CRISP3: variants seen among roughly 807,000 people sequenced by gnomAD.
The protein encoded by CRISP3 is cysteine rich secretory protein 3, also known as cysteine-rich secretory protein 3.
In CRISP3, 33 loss-of-function variants were observed where a neutral mutation model predicts 36.1. The ratio of observed to expected loss-of-function variants is 0.91; its 90% confidence interval spans 0.69 to 1.22. The LOEUF (loss-of-function observed/expected upper bound fraction) is 1.22. Ranked by LOEUF, CRISP3 falls within the 50% of genes most tolerant of loss-of-function variation. The pLI is 0.00. For synonymous variants in CRISP3, 117 were observed against 104.6 expected (o/e 1.12, Z -0.72); for missense variants, 330 against 301.2 (o/e 1.10, Z -0.71).
Position 49,733,708 on chromosome 6 carries a change from T to C in CRISP3, c.457A>G (p.Thr153Ala). 6.2e-7 allele frequency: 1 copy of C among 1,612,910 alleles called. No individual in the cohort carries two copies. The highest frequency in any genetic ancestry group is 1.1e-5 in the South Asian group (1 of 90,976). The change falls in exon 5 of 8, where the codon ACA becomes GCA. Residue 153 changes from threonine (T) to alanine (A), a missense_variant. By Grantham distance (58) the Thr-to-Ala change is moderately conservative (BLOSUM62 0). Transcript: ENST00000263045. ...TTTTCATTTCTTCTCCTTACCTGTG[T>C]ATAATGTCCAACCACTGCGTTGGGA... ...KTPNAVVGHYTQVVWYSSYLV... is the reference protein window; with the variant it reads ...KTPNAVVGHYAQVVWYSSYLV...
intron 6 of CRISP3, among the ~76,000 whole-genome samples, chr6:49,732,810 T>A (rs1768947223): frequency 6.6e-6 from 1 of 152,190 alleles, no homozygotes; most frequent in African/African-American, 2.4e-5. Flanking sequence ...TCCTTATTTG[T>A]TTGTTACCTT....
At chr6:49,729,941 T>G (rs960011325) in intron 7 of CRISP3, among the ~76,000 whole-genome samples, 1 of 152,172 alleles carries the variant, frequency 6.6e-6, no homozygotes, top group Non-Finnish European at 1.5e-5. Flanking sequence ...TGGCTGATTA[T>G]TACTAATAAG....
chr6:49,732,499 T>TC (rs1163854956), intron 6 of CRISP3, among the ~76,000 whole-genome samples: 3 of 152,294 alleles, frequency 2.0e-5, no homozygotes, highest in Non-Finnish European at 4.4e-5. Flanking sequence ...CAGATTTTTT[T>TC]TCGTGAGTAG....
At chr6:49,735,670 G>A (rs112258936) in intron 3 of CRISP3, 79 bp from the exon 4 acceptor site, 2 of 1,027,480 alleles carry the variant, frequency 1.9e-6, no homozygotes, top group East Asian at 4.9e-5. Flanking sequence ...TCAGGTTATA[G>A]GTTGATTTAC....
intron 1 of CRISP3, among the ~76,000 whole-genome samples, chr6:49,743,298 C>G (rs770267809): frequency 1.4e-4 from 21 of 152,184 alleles, no homozygotes; most frequent in Non-Finnish European, 1.6e-4. Context: ...CCTCCCAATT[C>G]ATCCCTGCCT....
chr6:49,730,382 A>C (rs1299067265), intron 7 of CRISP3, among the ~76,000 whole-genome samples: 1 of 152,036 alleles, frequency 6.6e-6, no homozygotes, highest in Non-Finnish European at 1.5e-5. Context: ...TATTATACTA[A>C]ACTTGATGAT....
chr6:49,742,660 A>G (rs1269329834), intron 1 of CRISP3, among the ~76,000 whole-genome samples: 1 of 151,436 alleles, frequency 6.6e-6, no homozygotes, highest in African/African-American at 2.4e-5. Flanking sequence ...AAGGAAGAAG[A>G]AAAGAAAAAG....
chr6:49,736,830 T>C (rs550794297), intron 2 of CRISP3, among the ~76,000 whole-genome samples: 2 of 152,030 alleles, frequency 1.3e-5, no homozygotes, highest in Non-Finnish European at 2.9e-5. Flanking sequence ...GGGTACATGA[T>C]AGTAATTATT....
intron 1 of CRISP3, among the ~76,000 whole-genome samples, chr6:49,737,715 G>A (rs1367134643): frequency 6.6e-6 from 1 of 152,178 alleles, no homozygotes; most frequent in Non-Finnish European, 1.5e-5. Flanking sequence ...ACTGTCTTTA[G>A]GTTGTAGGAG....
chr6:49,743,766 A>G (rs937321408), intron 1 of CRISP3, among the ~76,000 whole-genome samples: 2 of 151,130 alleles, frequency 1.3e-5, no homozygotes, highest in African/African-American at 4.8e-5. Context: ...TTTTGACTGA[A>G]AAACTTCTAA....
In CRISP3 at chr6:49,727,771, TTGAG is replaced by T. The variant is rs1407999434; in HGVS notation, c.*955_*958del. On this transcript the variant is annotated 3_prime_UTR_variant, in exon 8 of 8. Transcript: ENST00000263045. ...GATATTTTGTAGAATGTCCTTCAACTTGAGTTTGCTGGATGTTTTAGCTCATAAT... is the reference window on the plus strand; with the variant it reads ...GATATTTTGTAGAATGTCCTTCAACTTTTGCTGGATGTTTTAGCTCATAAT... 2.0e-5 allele frequency: 3 copies of T among 152,192 alleles called. No homozygotes were observed. The highest frequency in any genetic ancestry group is 4.4e-5 in the Non-Finnish European group (3 of 68,008). The allele number at this position is 152,192 out of a possible 1,614,324, so 9.4% of individuals were successfully genotyped here. A position where few individuals can be genotyped will look rare whatever the true frequency, so the allele number is the denominator to read the frequency against.
intron 6 of CRISP3, among the ~76,000 whole-genome samples, chr6:49,731,713 A>T (rs1768921568): frequency 6.6e-6 from 1 of 152,104 alleles, no homozygotes; most frequent in South Asian, 2.1e-4. Context: ...AAAAAACCAT[A>T]ATTTCTACAA....
chr6:49,730,542 A>T (rs1404730063), intron 7 of CRISP3, among the ~76,000 whole-genome samples: 1 of 152,154 alleles, frequency 6.6e-6, no homozygotes, highest in Non-Finnish European at 1.5e-5. Flanking sequence ...TTTTTAAAAT[A>T]ATGCTGTATT....
intron 6 of CRISP3, among the ~76,000 whole-genome samples, chr6:49,732,793 G>C (rs1166455143): frequency 6.6e-6 from 1 of 152,140 alleles, no homozygotes; most frequent in African/African-American, 2.4e-5. Context: ...TTGCTAAAAT[G>C]GGTCATTCCT....
chr6:49,739,682 C>T lies in CRISP3; in HGVS notation c.38-2284G>A, dbSNP rs991130757. Among the ~76,000 whole-genome samples the T allele has an allele frequency of 2.6e-5, 4 of 152,128 alleles. No homozygotes were observed. In the South Asian group the frequency reaches 6.2e-4, roughly 24 times the overall value. ...CCCCACCTCTCCTCCCAAGGGACTA[C>T]TGTAAATAGCAGGTGCAAGTGGAAA... On this transcript the variant is annotated intron_variant, in intron 1 of 7. Transcript: ENST00000263045.
Position 49,733,801 on chromosome 6 carries a change from A to G in CRISP3, c.364T>C (p.Trp122Arg), listed in dbSNP as rs1037959888. 1 of 1,613,798 alleles carries G rather than the reference A, an allele frequency of 6.2e-7. No individual in the cohort carries two copies. Among genetic ancestry groups the G allele is most frequent in the African/African-American group, 1.3e-5 (1 of 74,914 alleles). The change falls in exon 5 of 8, where the codon TGG becomes CGG. Residue 122 changes from tryptophan to arginine, a missense_variant. Trp to Arg is a moderately radical substitution (Grantham distance 101). Coordinates refer to ENST00000263045, the MANE Select transcript of CRISP3 (RefSeq NM_006061.4). ...AACCAGCTTTGGATTGCTTGTGACC[A>G]TGAGCTGGAGGCACTTGACATGTAG... Reference protein sequence around the residue: ...NLYMSSASSSWSQAIQSWFDE... With the variant: ...NLYMSSASSSRSQAIQSWFDE...
chr6:49,729,006 G>GC, intron 7 of CRISP3, 149 bp from the exon 8 acceptor site: 1 of 599,218 alleles, frequency 1.7e-6, no homozygotes, highest in Non-Finnish European at 2.8e-6. Flanking sequence ...ATATCTTGAG[G>GC]GACACATAAG....
At chr6:49,729,755 T>C (rs1768869376) in intron 7 of CRISP3, among the ~76,000 whole-genome samples, 1 of 152,190 alleles carries the variant, frequency 6.6e-6, no homozygotes, top group Non-Finnish European at 1.5e-5. Flanking sequence ...CATACCTGTC[T>C]ATTTTTTCAT....
chr6:49,739,893 G>C (rs1157094519), intron 1 of CRISP3, among the ~76,000 whole-genome samples: 1 of 152,182 alleles, frequency 6.6e-6, no homozygotes, highest in African/African-American at 2.4e-5. Context: ...TCACTTGAAA[G>C]AGTTATTTTG....
Sources: allele counts gnomAD v4.1 joint callset (sites outside exome capture counted in the v4.1 genomes callset), GRCh38; gene constraint gnomAD v4.1.1; transcripts MANE v1.5; gene names NCBI Gene and HGNC (gene_info 2026-07-23, HGNC 2026-07-21).